TBCK: variants seen among roughly 807,000 people sequenced by gnomAD.
The protein encoded by TBCK is TBC1 domain containing kinase.
TBCK carries 99 observed loss-of-function variants against 113.4 expected under a neutral mutation model. That is an observed-to-expected ratio of 0.87 (90% CI 0.74 to 1.03). The LOEUF (loss-of-function observed/expected upper bound fraction) is 1.03. TBCK is among the 50% of genes least tolerant of loss of function. The pLI, the probability that TBCK is intolerant of heterozygous loss-of-function variation, is 0.00. For synonymous variants in TBCK, 369 were observed against 370.8 expected (o/e 1.00, Z 0.05); for missense variants, 1,045 against 1,061.3 (o/e 0.98, Z 0.21).
intron 10 of TBCK, among the ~76,000 whole-genome samples, chr4:106,246,090 C>T (rs150265084): frequency 1.3e-5 from 2 of 152,292 alleles, no homozygotes; most frequent in East Asian, 1.9e-4. Context: ...CTCAAGGCAA[C>T]GGCTGGCTGC....
chr4:106,053,069 C>G (rs981889778), intron 25 of TBCK, among the ~76,000 whole-genome samples: 2 of 151,634 alleles, frequency 1.3e-5, no homozygotes, highest in Non-Finnish European at 3.0e-5. Context: ...TGAATTAGCT[C>G]ATAACTCATA....
chr4:106,284,410 T>C lies in TBCK; in HGVS notation c.266+10684A>G, dbSNP rs577241025. ...ACAGGGGAAAATAAAACTCACTAAT[T>C]TGAGTAAGTCAGATCATGTTTTCCA... On this transcript the variant is annotated intron_variant, in intron 3 of 25. Coordinates refer to ENST00000394708, the MANE Select transcript of TBCK (RefSeq NM_001163435.3). 7.2e-5 allele frequency among the ~76,000 whole-genome samples: 11 copies of C among 152,204 alleles called. 1 individual carries two copies. The South Asian group carries it at 2.3e-3, about 32-fold the overall frequency.
chr4:106,135,297 C>A (rs934313025), intron 23 of TBCK, among the ~76,000 whole-genome samples: 34 of 151,616 alleles, frequency 2.2e-4, no homozygotes, highest in Non-Finnish European at 4.0e-4. Context: ...TTACAATAAT[C>A]CTGAGGGAGG....
rs147313468 is a variant in TBCK at position 106,059,278 on chromosome 4, G to T, written c.2572-12598C>A. ...TATATACAGGAACACCTCATTTATT[G>T]TGCTTTGCTATAGTGCATGTCACAA... On this transcript the variant is annotated intron_variant, in intron 25 of 25. Transcript: ENST00000394708. Among the ~76,000 whole-genome samples, 16 of 151,746 alleles carry T rather than the reference G, an allele frequency of 1.1e-4. No homozygotes were observed. In the East Asian group the frequency reaches 3.1e-3, roughly 30 times the overall value.
chr4:106,131,567 C>T (rs535957498), intron 23 of TBCK, among the ~76,000 whole-genome samples: 6 of 152,108 alleles, frequency 3.9e-5, no homozygotes, highest in South Asian at 2.1e-4. Context: ...GAGCCAAGAT[C>T]GCATCACTGC....
rs117381664 is a variant in TBCK, at chr4:106,313,772, G to C, written c.-30+2159C>G. 8.0e-3 allele frequency among the ~76,000 whole-genome samples: 1,225 copies of C among 152,320 alleles called. 34 individuals carry two copies. The highest frequency in any genetic ancestry group is 0.062 in the East Asian group (322 of 5,180). ...TCTATGTGCATCATACAAAGAATGA[G>C]AAGATTCAGTGAAGAAAGCACATCC... On this transcript the variant is annotated intron_variant, in intron 1 of 25. Coordinates refer to ENST00000394708, the MANE Select transcript of TBCK (RefSeq NM_001163435.3).
At chr4:106,052,082 C>A (rs1360455258) in intron 25 of TBCK, among the ~76,000 whole-genome samples, 1 of 151,770 alleles carries the variant, frequency 6.6e-6, no homozygotes, top group Non-Finnish European at 1.5e-5. Flanking sequence ...GTATTCAGAT[C>A]TTTTTAACTC....
At chr4:106,061,613 G>T (rs1736061892) in intron 25 of TBCK, among the ~76,000 whole-genome samples, 1 of 151,166 alleles carries the variant, frequency 6.6e-6, no homozygotes, top group Non-Finnish European at 1.5e-5. Flanking sequence ...TGCCTCATTG[G>T]GTTGGTCTGG....
In TBCK at chr4:106,154,582, C is replaced by T. The variant is rs192858178; in HGVS notation, c.2235+16513G>A. ...TTAACACCACCGTCCTTGGTGTTGT[C>T]GTCGCAATAGTGAGTTCTTGTGTAA... On this transcript the variant is annotated intron_variant, in intron 23 of 25. Coordinates refer to ENST00000394708, the MANE Select transcript of TBCK (RefSeq NM_001163435.3). Among the ~76,000 whole-genome samples the T allele has an allele frequency of 3.9e-3, 588 of 152,140 alleles. 5 individuals are homozygous for T. Among genetic ancestry groups the T allele is most frequent in the Non-Finnish European group, 5.3e-3 (363 of 68,002 alleles).
intron 23 of TBCK, among the ~76,000 whole-genome samples, chr4:106,142,242 A>C (rs561089045): frequency 1.4e-4 from 21 of 152,234 alleles, no homozygotes; most frequent in African/African-American, 4.8e-4. Flanking sequence ...TTTTGGAAAA[A>C]CTTCAGTTTA....
rs1255586716 is a variant in TBCK, at chr4:106,044,607, C to A, written c.*1963G>T. On this transcript the variant is annotated 3_prime_UTR_variant, in exon 26 of 26. Transcript: ENST00000394708. Reference sequence around the variant, plus strand: ...CTCATATGCAAGAATGAACCTGGACCCCTCACTCCATATACAAAAATTTAT... The same window carrying A: ...CTCATATGCAAGAATGAACCTGGACACCTCACTCCATATACAAAAATTTAT... 1 of 151,966 alleles carries A rather than the reference C, an allele frequency of 6.6e-6. No individual in the cohort carries two copies. Among genetic ancestry groups the A allele is most frequent in the Admixed American group, 6.6e-5 (1 of 15,260 alleles). The allele number at this position is 151,966 out of a possible 1,614,324, so 9.4% of individuals were successfully genotyped here.
At chr4:106,296,500 T>C (rs902088382) in intron 2 of TBCK, among the ~76,000 whole-genome samples, 11 of 151,964 alleles carry the variant, frequency 7.2e-5, no homozygotes, top group Non-Finnish European at 1.2e-4. Context: ...ATCTAGTATA[T>C]AAAATAGTTC....
chr4:106,065,450 G>A (rs1399684573), intron 25 of TBCK, among the ~76,000 whole-genome samples: 1 of 151,924 alleles, frequency 6.6e-6, no homozygotes, highest in Admixed American at 6.6e-5. Context: ...ACTTTGCCGT[G>A]TTTTTCATTT....
intron 22 of TBCK, among the ~76,000 whole-genome samples, chr4:106,187,939 A>C (rs2149796921): frequency 6.6e-6 from 1 of 152,274 alleles, no homozygotes; most frequent in Admixed American, 6.5e-5. Context: ...CAAATCTAGG[A>C]GCTCTTGAGC....
At chr4:106,283,291 C>T (rs1265547975) in intron 3 of TBCK, among the ~76,000 whole-genome samples, 5 of 151,986 alleles carry the variant, frequency 3.3e-5, no homozygotes, top group African/African-American at 7.2e-5. Flanking sequence ...ATGTCAAAAA[C>T]GTTAACTAGA....
chr4:106,118,765 C>T (rs1435177149), intron 23 of TBCK, among the ~76,000 whole-genome samples: 5 of 152,128 alleles, frequency 3.3e-5, no homozygotes, highest in Non-Finnish European at 5.9e-5. Flanking sequence ...TTATGAAGAA[C>T]TGAGTGGTTT....
intron 20 of TBCK, among the ~76,000 whole-genome samples, chr4:106,207,069 A>G (rs1755586526): frequency 6.6e-6 from 1 of 152,216 alleles, no homozygotes; most frequent in Non-Finnish European, 1.5e-5. Context: ...GAGGCCTACT[A>G]TATTTTTAAA....
At chr4:106,242,792 C>T (rs757281300) in intron 11 of TBCK, among the ~76,000 whole-genome samples, 3 of 151,352 alleles carry the variant, frequency 2.0e-5, no homozygotes, top group Admixed American at 6.6e-5. Flanking sequence ...ATACATGTGC[C>T]GTGCTGGTGT....
chr4:106,193,832 A>G (rs1753927130), intron 21 of TBCK, 62 bp from the exon 22 acceptor site: 4 of 1,064,496 alleles, frequency 3.8e-6, no homozygotes, highest in Non-Finnish European at 4.0e-6. Context: ...AACAATAACA[A>G]CTTACTTTAC....
Sources: allele counts gnomAD v4.1 joint callset (sites outside exome capture counted in the v4.1 genomes callset), GRCh38; gene constraint gnomAD v4.1.1; transcripts MANE v1.5; gene names NCBI Gene and HGNC (gene_info 2026-07-23, HGNC 2026-07-21).